NDUFAF7: variants seen among roughly 807,000 people sequenced by gnomAD.
NDUFAF7 encodes NADH:ubiquinone oxidoreductase complex assembly factor 7.
Under a neutral mutation model 47.2 loss-of-function variants are expected in NDUFAF7, and 48 were observed. The observed-to-expected ratio is 1.02, with a 90% confidence interval of 0.81 to 1.29. The LOEUF is 1.29. NDUFAF7 is among the 50% of genes most tolerant of loss of function. The pLI is 0.00. For missense variants in NDUFAF7, 635 were observed against 537.6 expected, an observed-to-expected ratio of 1.18 and a Z score of -1.79; for synonymous variants, 217 against 190.0, an observed-to-expected ratio of 1.14 and a Z score of -1.17.
At chr2:37,262,899 C>CG in the NDUFAF7 span, among the ~76,000 whole-genome samples, 6 of 147,364 alleles carry the variant, frequency 4.1e-5, no homozygotes, top group East Asian at 7.2e-4. Flanking sequence ...ATTCCTTCCC[C>CG]CCCCCGTATT....
downstream of NDUFAF7, among the ~76,000 whole-genome samples, chr2:37,256,209 A>C (rs1314156762): frequency 1.3e-5 from 2 of 152,178 alleles, no homozygotes; most frequent in South Asian, 2.1e-4. Context: ...GTAAACAACT[A>C]GGTTTGTGTA....
chr2:37,242,467 A>G, intron 5 of NDUFAF7, 168 bp from the exon 6 acceptor site: 1 of 553,376 alleles, frequency 1.8e-6, no homozygotes, highest in Non-Finnish European at 3.2e-6. Context: ...AAATAAGAAT[A>G]GTAATAATTG....
intron 9 of NDUFAF7, 101 bp downstream of exon 9, chr2:37,247,730 C>T (rs944591070): frequency 1.2e-5 from 16 of 1,371,164 alleles, no homozygotes; most frequent in Non-Finnish European, 1.6e-5. Flanking sequence ...TTGTAGTTAG[C>T]CAATCCTTGG....
chr2:37,263,639 T>G, the NDUFAF7 span, among the ~76,000 whole-genome samples: 1 of 152,216 alleles, frequency 6.6e-6, no homozygotes, highest in Non-Finnish European at 1.5e-5. Context: ...GTGTTTTCCC[T>G]TGAGTTAAAT....
At chr2:37,245,051 G>A (rs1177723803) in intron 7 of NDUFAF7, among the ~76,000 whole-genome samples, 1 of 152,198 alleles carries the variant, frequency 6.6e-6, no homozygotes, top group Non-Finnish European at 1.5e-5. Context: ...CTGACTTCAT[G>A]GTTTTTATAG....
chr2:37,244,741 A>G (rs1009676298), intron 7 of NDUFAF7, among the ~76,000 whole-genome samples: 5 of 152,176 alleles, frequency 3.3e-5, no homozygotes, highest in Admixed American at 6.5e-5. Context: ...ACTTAAATGT[A>G]TGAATTAAGT....
the NDUFAF7 span, chr2:37,268,720 A>G: frequency 5.8e-6 from 1 of 172,546 alleles, no homozygotes; most frequent in East Asian, 1.8e-4. Flanking sequence ...GAGAAGGAGC[A>G]GAGAGGCAAA....
At chr2:37,269,541 C>G in the NDUFAF7 span, 1 of 1,329,662 alleles carries the variant, frequency 7.5e-7, no homozygotes, top group Non-Finnish European at 1.1e-6. Context: ...GATGACAAAA[C>G]AGCTGGCAGA....
rs550410197 is a variant in NDUFAF7, at chr2:37,248,529, G to A, written c.*179G>A. 2 of 650,450 alleles carry A rather than the reference G, an allele frequency of 3.1e-6. No homozygotes were observed. Among genetic ancestry groups the A allele is most frequent in the South Asian group, 1.7e-5 (1 of 57,790 alleles). 40.3% of individuals were successfully genotyped at this position (650,450 alleles called of 1,614,324 possible). ...ACTTTTAGGGTTGTGACTGGCTTTG[G>A]TGCAAATGTGTGCTCAAGCTAATAA... On this transcript the variant is annotated 3_prime_UTR_variant, in exon 10 of 10. Coordinates refer to ENST00000002125, the MANE Select transcript of NDUFAF7 (RefSeq NM_144736.5).
At chr2:37,262,760 C>A in the NDUFAF7 span, among the ~76,000 whole-genome samples, 3 of 152,138 alleles carry the variant, frequency 2.0e-5, no homozygotes, top group South Asian at 4.1e-4. Context: ...CCCTTAACAA[C>A]TTCCTCTATT....
At position 37,248,664 on chromosome 2, in the gene NDUFAF7, C is replaced by G; in HGVS notation, c.*314C>G. The G allele has an allele frequency of 2.8e-6, 1 of 359,380 alleles. No homozygotes were observed. Among genetic ancestry groups the G allele is most frequent in the Non-Finnish European group, 5.4e-6 (1 of 186,190 alleles). The allele number at this position is 359,380 out of a possible 1,614,324, so 22.3% of individuals were successfully genotyped here. On this transcript the variant is annotated 3_prime_UTR_variant, in exon 10 of 10. Coordinates refer to ENST00000002125, the MANE Select transcript of NDUFAF7 (RefSeq NM_144736.5). The stretch of plus-strand genomic sequence containing the variant: ...GCGTGGTGGCTCATGCCTGTAATCC[C>G]AGCACTTTGGGAGGCTGAGGTGGGC...
chr2:37,247,724 A>G, intron 9 of NDUFAF7, 95 bp downstream of exon 9: 1 of 1,414,184 alleles, frequency 7.1e-7, no homozygotes, highest in Non-Finnish European at 9.9e-7. Context: ...ATGCTCTTGT[A>G]GTTAGCCAAT....
At chr2:37,243,451 C>CA (rs60203430) in intron 6 of NDUFAF7, among the ~76,000 whole-genome samples, 9 of 147,880 alleles carry the variant, frequency 6.1e-5, no homozygotes, top group South Asian at 2.1e-4. Flanking sequence ...GAGCTTGTCT[C>CA]AAAAAAAAAA....
At chr2:37,256,628 AT>A (rs56389006), downstream of NDUFAF7, 53,084 of 1,151,238 alleles carry the variant, frequency 0.046, 448 homozygotes, top group African/African-American at 0.067. Context: ...CATAGCCAAA[AT>A]TTTTTTTTTT....
chr2:37,249,254 AG>A, downstream of NDUFAF7: 1 of 152,190 alleles, frequency 6.6e-6, no homozygotes, highest in East Asian at 1.9e-4. Context: ...AGTGACTTTG[AG>A]GGGCAGGGTG....
the NDUFAF7 span, among the ~76,000 whole-genome samples, chr2:37,269,948 C>A: frequency 4.6e-5 from 7 of 152,286 alleles, no homozygotes; most frequent in East Asian, 1.3e-3. Context: ...TGTATTTAGG[C>A]CTGGCGTGGT....
chr2:37,232,265 A>G lies in NDUFAF7; in HGVS notation c.215A>G (p.Lys72Arg). 3 of 1,612,754 alleles carry G rather than the reference A, an allele frequency of 1.9e-6. No individual in the cohort carries two copies. The highest frequency in any genetic ancestry group is 1.7e-5 in the Admixed American group (1 of 60,026). ...YMKEVLTNPAKGYYVYRDMLG... is the reference protein window; with the variant it reads ...YMKEVLTNPARGYYVYRDMLG... ...AAGGAGGTGTTGACTAATCCAGCCAAGGTATGGGTCGGGTAGCCCGAGGAC... is the reference window on the plus strand; with the variant it reads ...AAGGAGGTGTTGACTAATCCAGCCAGGGTATGGGTCGGGTAGCCCGAGGAC... The change falls in exon 2 of 10, where the codon AAG becomes AGG. Residue 72 changes from lysine (K) to arginine (R), a missense_variant and splice_region_variant. By Grantham distance (26) the Lys-to-Arg change is conservative. Transcript: ENST00000002125.
rs1464787504 is a variant in NDUFAF7 at position 37,237,955 on chromosome 2, C to G, written c.408+88C>G. 3.3e-6 allele frequency: 3 copies of G among 898,372 alleles called. No individual in the cohort carries two copies. The East Asian group carries it at 7.5e-5, about 23-fold the overall frequency. 55.7% of individuals were successfully genotyped at this position (898,372 alleles called of 1,614,324 possible). A position where few individuals can be genotyped will look rare whatever the true frequency, so the allele number is the denominator to read the frequency against. ...AAACCATGTTGATTTCATTGGTTTT[C>G]AGTTCCTTAATTTCATATTTCTCAG... On this transcript the variant is annotated intron_variant, in intron 4 of 9. Coordinates refer to ENST00000002125, the MANE Select transcript of NDUFAF7 (RefSeq NM_144736.5).
intron 4 of NDUFAF7, among the ~76,000 whole-genome samples, chr2:37,240,291 T>C (rs1278847064): frequency 6.6e-6 from 1 of 151,986 alleles, no homozygotes; most frequent in Non-Finnish European, 1.5e-5. Context: ...AGCATGCGTC[T>C]GTGGTCGAAG....
Sources: allele counts gnomAD v4.1 joint callset (sites outside exome capture counted in the v4.1 genomes callset), GRCh38; gene constraint gnomAD v4.1.1; transcripts MANE v1.5; gene names NCBI Gene and HGNC (gene_info 2026-07-23, HGNC 2026-07-21).